The following MAPKBP1 variants were observed in gnomAD, a reference collection of about 807,000 sequenced individuals.
MAPKBP1 encodes the protein mitogen-activated protein kinase binding protein 1.
A neutral mutation model predicts 170.5 loss-of-function variants in MAPKBP1; 71 were observed. That is an observed-to-expected ratio of 0.42 (90% confidence interval 0.34 to 0.51). The LOEUF (loss-of-function observed/expected upper bound fraction) is 0.51, where lower values mean the gene tolerates loss of function less well. MAPKBP1 is among the 20% of genes least tolerant of loss of function. The pLI is 0.06. For synonymous variants in MAPKBP1, 719 were observed against 757.9 expected (o/e 0.95, Z 0.84); for missense variants, 1,598 against 1,933.0 (o/e 0.83, Z 3.25).
At position 41,827,187 on chromosome 15, in the gene MAPKBP1, G is replaced by T. The variant is rs1294136712; in HGVS notation, c.*1751G>T. On this transcript the variant is annotated 3_prime_UTR_variant, in exon 31 of 31. Transcript: ENST00000457542. ...TGGGCGCCTGTAATCCCAGCTACTC[G>T]GGAGGTTTAGGCAGGAGAATCGCTT... 1.2e-5 allele frequency: 1 copy of T among 83,526 alleles called. No individual in the cohort carries two copies. The highest frequency in any genetic ancestry group is 4.6e-4 in the South Asian group (1 of 2,182). 5.2% of individuals were successfully genotyped at this position (83,526 alleles called of 1,614,324 possible).
At position 41,782,139 on chromosome 15, in the gene MAPKBP1, G is replaced by A. The variant is rs368670363; in HGVS notation, c.114+6750G>A. Among the ~76,000 whole-genome samples, 51 of 150,284 alleles carry A rather than the reference G, an allele frequency of 3.4e-4. 1 individual carries two copies. The South Asian group carries it at 9.2e-3, about 27-fold the overall frequency. On this transcript the variant is annotated intron_variant, in intron 2 of 30. Coordinates refer to ENST00000457542, the MANE Select transcript of MAPKBP1 (RefSeq NM_014994.3). The stretch of plus-strand genomic sequence containing the variant: ...TAGCTGGGCGTGGTGGCGGGCGCCT[G>A]TAGGCCCAGCTACTCGCGAGGCTGA...
At chr15:41,821,830 C>T in intron 24 of MAPKBP1, 80 bp downstream of exon 24, 1 of 1,585,630 alleles carries the variant, frequency 6.3e-7, no homozygotes, top group Non-Finnish European at 8.6e-7. Flanking sequence ...GGAGGGTTGG[C>T]CCCCAGGATA....
intron 2 of MAPKBP1, among the ~76,000 whole-genome samples, chr15:41,777,538 T>C (rs540404453): frequency 6.6e-6 from 1 of 152,262 alleles, no homozygotes; most frequent in South Asian, 2.1e-4. Flanking sequence ...TGAAGCTGTG[T>C]ATGAAAGAAA....
rs191121593 is a variant in MAPKBP1, at chr15:41,801,076, C to T, written c.206+1162C>T. Among the ~76,000 whole-genome samples the T allele has an allele frequency of 5.0e-3, 764 of 152,348 alleles. 4 individuals carry two copies. The highest frequency in any genetic ancestry group is 8.3e-3 in the Non-Finnish European group (562 of 68,040). ...GGTTAATCTATGTCACAGCATGTATCGCTACCTTATTCCTTTTTGTGGCTG... is the reference window on the plus strand; with the variant it reads ...GGTTAATCTATGTCACAGCATGTATTGCTACCTTATTCCTTTTTGTGGCTG... On this transcript the variant is annotated intron_variant, in intron 3 of 30. Transcript: ENST00000457542.
intron 28 of MAPKBP1, 98 bp downstream of exon 28, chr15:41,823,320 T>C (rs2065032980): frequency 6.5e-7 from 1 of 1,544,432 alleles, no homozygotes; most frequent in African/African-American, 1.4e-5. Context: ...GATGTGCCAC[T>C]GTGCTGGCCA....
At chr15:41,775,134 A>G in intron 1 of MAPKBP1, 33 bp from the exon 2 acceptor site, 4 of 645,526 alleles carry the variant, frequency 6.2e-6, no homozygotes, top group Non-Finnish European at 1.1e-5. Flanking sequence ...AAGGTAAGAC[A>G]CTGTGATACT....
Position 41,817,829 on chromosome 15 carries a change from C to T in MAPKBP1, c.1904+94C>T. The T allele has an allele frequency of 6.3e-7, 1 of 1,584,970 alleles. No individual in the cohort carries two copies. Among genetic ancestry groups the T allele is most frequent in the Middle Eastern group, 1.7e-4 (1 of 5,992 alleles). On this transcript the variant is annotated intron_variant, in intron 16 of 30. Transcript: ENST00000457542. The surrounding 1 kb of genome is among the most constrained non-coding windows in gnomAD (Gnocchi z 4.2). ...AAGTTCCCACATCTGTCGTTCTGTA[C>T]AGGACTTTGTACCCCCTTGAGCCTA... is the stretch of plus-strand genomic sequence containing the variant.
intron 2 of MAPKBP1, among the ~76,000 whole-genome samples, chr15:41,779,313 C>T (rs571130154): frequency 2.6e-4 from 40 of 152,104 alleles, no homozygotes; most frequent in Non-Finnish European, 4.3e-4. Context: ...CGGGTTCAAG[C>T]GATTCTCCTG....
intron 27 of MAPKBP1, 110 bp downstream of exon 27, chr15:41,822,787 C>T (rs2065022928): frequency 6.1e-6 from 9 of 1,479,296 alleles, no homozygotes; most frequent in South Asian, 3.6e-5. Flanking sequence ...GTGTTTTGCA[C>T]TCCCAGTTTT....
chr15:41,813,058 A>T lies in MAPKBP1; in HGVS notation c.776A>T (p.Glu259Val). ...FCITSSGLLCEFSDRRLLDKW... is the reference protein window; with the variant it reads ...FCITSSGLLCVFSDRRLLDKW... ...ATCACGTCCTCAGGGCTGCTGTGCG[A>T]GTTCAGTGATCGAAGGCTTTTGGAC... Residue 259 changes from glutamate (E) to valine (V), a missense_variant, in exon 8 of 31, where the codon GAG becomes GTG. Physicochemically the swap from Glu to Val is moderately radical, Grantham distance 121. Coordinates refer to ENST00000457542, the MANE Select transcript of MAPKBP1 (RefSeq NM_014994.3). The T allele has an allele frequency of 6.2e-7, 1 of 1,612,708 alleles. No individual in the cohort carries two copies. Among genetic ancestry groups the T allele is most frequent in the Non-Finnish European group, 8.5e-7 (1 of 1,179,282 alleles).
Position 41,817,995 on chromosome 15 carries a change from T to G in MAPKBP1, c.1905-14T>G. On this transcript the variant is annotated splice_polypyrimidine_tract_variant and intron_variant, in intron 16 of 30. Coordinates refer to ENST00000457542, the MANE Select transcript of MAPKBP1 (RefSeq NM_014994.3). The surrounding 1 kb of genome is among the most constrained non-coding windows in gnomAD (Gnocchi z 4.2). ...CACCGCCTCCTCATGAGAAAGAGACTATGTTTCTTACAGGATATTTAACAT... is the reference window on the plus strand; with the variant it reads ...CACCGCCTCCTCATGAGAAAGAGACGATGTTTCTTACAGGATATTTAACAT... 1 of 1,613,092 alleles carries G rather than the reference T, an allele frequency of 6.2e-7. No individual in the cohort carries two copies. Among genetic ancestry groups the G allele is most frequent in the Non-Finnish European group, 8.5e-7 (1 of 1,179,066 alleles).
At chr15:41,782,852 A>C (rs1244165142) in intron 2 of MAPKBP1, among the ~76,000 whole-genome samples, 2 of 152,234 alleles carry the variant, frequency 1.3e-5, no homozygotes, top group Non-Finnish European at 2.9e-5. Flanking sequence ...ATTCCTTATA[A>C]AAGTCAATTT....
chr15:41,795,641 C>G (rs2064475228), intron 2 of MAPKBP1, among the ~76,000 whole-genome samples: 1 of 152,156 alleles, frequency 6.6e-6, no homozygotes, highest in African/African-American at 2.4e-5. Flanking sequence ...GAGTCTCGCT[C>G]TGTCGCCCAG....
At position 41,820,843 on chromosome 15, in the gene MAPKBP1, C is replaced by T. The variant is rs759014898; in HGVS notation, c.2493C>T (p.Ser831=). The change falls in exon 23 of 31, where the codon TCC becomes TCT. Residue 831 remains serine, a synonymous_variant. Coordinates refer to ENST00000457542, the MANE Select transcript of MAPKBP1 (RefSeq NM_014994.3). ...SHWEMSRAQE[S]VGFLDPAPAA... ...CTACCTCCCACCAGGCACAGGAGTCCGTGGGGTTCCTGGACCCAGCTCCTG... is the reference window on the plus strand; with the variant it reads ...CTACCTCCCACCAGGCACAGGAGTCTGTGGGGTTCCTGGACCCAGCTCCTG... The T allele has an allele frequency of 2.1e-5, 34 of 1,613,576 alleles. No homozygotes were observed. The highest frequency in any genetic ancestry group is 3.3e-5 in the South Asian group (3 of 90,984).
chr15:41,779,187 G>A (rs915533520), intron 2 of MAPKBP1, among the ~76,000 whole-genome samples: 2 of 152,120 alleles, frequency 1.3e-5, no homozygotes, highest in African/African-American at 4.8e-5. Flanking sequence ...GTGTTTGAAC[G>A]CATATATGAT....
At chr15:41,800,349 C>A (rs2064567925) in intron 3 of MAPKBP1, among the ~76,000 whole-genome samples, 1 of 152,096 alleles carries the variant, frequency 6.6e-6, no homozygotes, top group Non-Finnish European at 1.5e-5. Flanking sequence ...TGACCTTGTT[C>A]CCTTTTTTTT....
At chr15:41,801,979 G>A (rs893050114) in intron 3 of MAPKBP1, among the ~76,000 whole-genome samples, 5 of 152,180 alleles carry the variant, frequency 3.3e-5, no homozygotes, top group Non-Finnish European at 7.3e-5. Context: ...GAACATTACA[G>A]AGTATACTTA....
Position 41,818,394 on chromosome 15 carries a change from T to C in MAPKBP1, c.2092+89T>C. On this transcript the variant is annotated intron_variant, in intron 18 of 30. Coordinates refer to ENST00000457542, the MANE Select transcript of MAPKBP1 (RefSeq NM_014994.3). This position sits in a 1 kb window ranked among gnomAD's most constrained non-coding sequence, Gnocchi z 5.2. ...CCTGGAACTTCACTCTTCTATTAGT[T>C]TCTTGGGACCCGCAGAGCTACCTAT... 1 of 1,408,700 alleles carries C rather than the reference T, an allele frequency of 7.1e-7. No homozygotes were observed. Among genetic ancestry groups the C allele is most frequent in the Non-Finnish European group, 1.0e-6 (1 of 1,000,572 alleles). The allele number at this position is 1,408,700 out of a possible 1,614,324, so 87.3% of individuals were successfully genotyped here.
In MAPKBP1 at chr15:41,822,212, TC is replaced by T. The variant is rs2065010493; in HGVS notation, c.3032-9del. The stretch of plus-strand genomic sequence containing the variant: ...GGTGCAGTGCGATGCCTCTCTCCCC[TC>T]CCCACACCCAGACTCTGAGAGCACG... On this transcript the variant is annotated splice_polypyrimidine_tract_variant and intron_variant, in intron 25 of 30. Transcript: ENST00000457542. 1.9e-6 allele frequency: 3 copies of T among 1,608,688 alleles called. No individual in the cohort carries two copies. Among genetic ancestry groups the T allele is most frequent in the South Asian group, 2.2e-5 (2 of 90,744 alleles).
Sources: allele counts gnomAD v4.1 joint callset (sites outside exome capture counted in the v4.1 genomes callset), GRCh38; gene constraint gnomAD v4.1.1; non-coding constraint Gnocchi (gnomAD v3.1); transcripts MANE v1.5; gene names NCBI Gene and HGNC (gene_info 2026-07-23, HGNC 2026-07-21).